The following NCOR2 variants were observed in gnomAD, a reference collection of about 807,000 sequenced individuals.
NCOR2 encodes the protein nuclear receptor corepressor 2.
NCOR2 carries 81 observed loss-of-function variants against 262.9 expected under a neutral mutation model. That is an observed-to-expected ratio of 0.31 (90% confidence interval 0.26 to 0.37). The LOEUF (loss-of-function observed/expected upper bound fraction) is 0.37, where lower values mean the gene tolerates loss of function less well. NCOR2 is among the 10% of genes least tolerant of loss of function. NCOR2 has a pLI of 1.00. For synonymous variants in NCOR2, 1,659 were observed against 1,559.3 expected, an observed-to-expected ratio of 1.06 and a Z score of -1.51; for missense variants, 3,385 against 3,621.4, an observed-to-expected ratio of 0.93 and a Z score of 1.68.
At chr12:124,358,150 T>G (rs1321255197) in intron 22 of NCOR2, among the ~76,000 whole-genome samples, 2 of 143,134 alleles carry the variant, frequency 1.4e-5, no homozygotes, top group African/African-American at 5.8e-5. Flanking sequence ...TGCATGGATG[T>G]GTGTGTGTGC....
chr12:124,324,546 C>A (rs886714381), exon 47 of NCOR2: 9 of 152,286 alleles, frequency 5.9e-5, no homozygotes, highest in Admixed American at 3.9e-4. Flanking sequence ...GAGGACACAG[C>A]GGGGCGTGAG....
At chr12:124,562,627 G>A (rs566139459) in intron 1 of NCOR2, among the ~76,000 whole-genome samples, 8 of 152,268 alleles carry the variant, frequency 5.3e-5, no homozygotes, top group African/African-American at 1.9e-4. Context: ...AACCTCAACC[G>A]TCAAGGGCAG....
At chr12:124,357,515 T>C (rs541494995) in intron 22 of NCOR2, among the ~76,000 whole-genome samples, 78 of 152,324 alleles carry the variant, frequency 5.1e-4, no homozygotes, top group Admixed American at 2.7e-3. Flanking sequence ...CAGGCTGGTC[T>C]TGAACTACTG....
chr12:124,443,170 C>A lies in NCOR2; in HGVS notation c.816-5174G>T, dbSNP rs533035471. 6.6e-6 allele frequency among the ~76,000 whole-genome samples: 1 copy of A among 152,184 alleles called. No individual in the cohort carries two copies. The highest frequency in any genetic ancestry group is 2.1e-4 in the South Asian group (1 of 4,828). On this transcript the variant is annotated intron_variant, in intron 7 of 46. Coordinates refer to ENST00000405201, the Ensembl canonical transcript of NCOR2. The surrounding 1 kb of genome is among the most constrained non-coding windows in gnomAD (Gnocchi z 4.4). ...AGGCAGCGCTGAGAAGCTAGTCCGG[C>A]GTGTGATCTTCCACAAACCGCGGTG...
At chr12:124,456,500 C>CCATCATCGCCATCAT (rs2045865175) in intron 6 of NCOR2, among the ~76,000 whole-genome samples, 2 of 152,220 alleles carry the variant, frequency 1.3e-5, no homozygotes, top group African/African-American at 2.4e-5. Context: ...GCCATCATCG[C>CCATCATCGCCATCAT]CATCATCGCC....
rs1412041847 is a variant in NCOR2 at position 124,482,009 on chromosome 12, T to C, written c.411+1587A>G. Among the ~76,000 whole-genome samples the C allele has an allele frequency of 3.3e-5, 5 of 152,078 alleles. No homozygotes were observed. Among genetic ancestry groups the C allele is most frequent in the Admixed American group, 1.3e-4 (2 of 15,278 alleles). ...GGGCAGAGGTGTCAGGATTTGCTGATGGACTGGAAGTACGCAGGAGAGCAG... is the reference window on the plus strand; with the variant it reads ...GGGCAGAGGTGTCAGGATTTGCTGACGGACTGGAAGTACGCAGGAGAGCAG... On this transcript the variant is annotated intron_variant, in intron 3 of 46. Transcript: ENST00000405201. The surrounding 1 kb of genome is among the most constrained non-coding windows in gnomAD (Gnocchi z 6.3).
At chr12:124,542,053 G>A (rs2051383341) in intron 1 of NCOR2, among the ~76,000 whole-genome samples, 1 of 151,708 alleles carries the variant, frequency 6.6e-6, no homozygotes, top group African/African-American at 2.4e-5. Context: ...ACACCTTTGG[G>A]TCAATCCCTG....
chr12:124,440,473 C>T lies in NCOR2; in HGVS notation c.816-2477G>A, dbSNP rs796619400. Among the ~76,000 whole-genome samples, 3 of 152,342 alleles carry T rather than the reference C, an allele frequency of 2.0e-5. No homozygotes were observed. Among genetic ancestry groups the T allele is most frequent in the African/African-American group, 7.2e-5 (3 of 41,580 alleles). Reference sequence around the variant, plus strand: ...GGGTCCTCAGTCCCACAGGCTAGGACCAGCACCCTTCATCTCATAACAGGG... The same window carrying T: ...GGGTCCTCAGTCCCACAGGCTAGGATCAGCACCCTTCATCTCATAACAGGG... On this transcript the variant is annotated intron_variant, in intron 7 of 46. Transcript: ENST00000405201. This position sits in a 1 kb window ranked among gnomAD's most constrained non-coding sequence, Gnocchi z 5.7.
Position 124,548,648 on chromosome 12 carries a change from T to C in NCOR2, c.-164-13037A>G, listed in dbSNP as rs372562827. On this transcript the variant is annotated intron_variant, in intron 1 of 32. Transcript: ENST00000458234. The surrounding 1 kb of genome is among the most constrained non-coding windows in gnomAD (Gnocchi z 5.1). ...TATTATCTTTACTGTTCCTGTTATTTTTTTCTGTGCTGTTAGGGCGGGGCG... is the reference window on the plus strand; with the variant it reads ...TATTATCTTTACTGTTCCTGTTATTCTTTTCTGTGCTGTTAGGGCGGGGCG... Among the ~76,000 whole-genome samples, 2 of 152,108 alleles carry C rather than the reference T, an allele frequency of 1.3e-5. No individual in the cohort carries two copies. Among genetic ancestry groups the C allele is most frequent in the Middle Eastern group, 3.2e-3 (1 of 316 alleles).
At chr12:124,558,093 A>G (rs1048515021) in intron 1 of NCOR2, among the ~76,000 whole-genome samples, 3 of 152,066 alleles carry the variant, frequency 2.0e-5, no homozygotes, top group African/African-American at 7.2e-5. Flanking sequence ...CACTATAGCC[A>G]CACTGGGGCC....
Position 124,354,471 on chromosome 12 carries a change from C to T in NCOR2, c.3589+7G>A, listed in dbSNP as rs541009298. The T allele has an allele frequency of 6.6e-6, 10 of 1,524,810 alleles. No homozygotes were observed. Among genetic ancestry groups the T allele is most frequent in the East Asian group, 4.6e-5 (2 of 43,276 alleles). The allele number at this position is 1,524,810 out of a possible 1,614,324, so 94.5% of individuals were successfully genotyped here. A position where few individuals can be genotyped will look rare whatever the true frequency, so the allele number is the denominator to read the frequency against. ...ATGCTGGGGGCCCAGGGCAGAAGGG[C>T]CCTCACCTCTCAGCACGGACGCCTC... On this transcript the variant is annotated splice_region_variant and intron_variant, in intron 26 of 46. Coordinates refer to ENST00000405201, the Ensembl canonical transcript of NCOR2.
At chr12:124,441,696 G>A (rs1255709384) in intron 7 of NCOR2, among the ~76,000 whole-genome samples, 2 of 152,342 alleles carry the variant, frequency 1.3e-5, no homozygotes, top group South Asian at 2.1e-4. Context: ...TCCAGGAGGC[G>A]GAGCTTAACT....
exon 33 of NCOR2, chr12:124,343,066 G>A: frequency 6.2e-7 from 1 of 1,612,628 alleles, no homozygotes; most frequent in African/African-American, 1.3e-5. Context: ...GGATGTGGCT[G>A]CGATACAGGT....
chr12:124,544,654 G>T (rs2137236057), intron 1 of NCOR2, among the ~76,000 whole-genome samples: 1 of 152,280 alleles, frequency 6.6e-6, no homozygotes, highest in South Asian at 2.1e-4. Context: ...GCCCAGGGTA[G>T]GTCAGGGATG....
intron 26 of NCOR2, 134 bp downstream of exon 28, chr12:124,354,344 G>T: frequency 8.7e-7 from 1 of 1,147,334 alleles, no homozygotes; most frequent in South Asian, 1.5e-5. Flanking sequence ...TAAATGGTGA[G>T]GGAGACAGCT....
At chr12:124,342,347 A>G (rs1213899491) in intron 33 of NCOR2, among the ~76,000 whole-genome samples, 1 of 152,148 alleles carries the variant, frequency 6.6e-6, no homozygotes, top group Non-Finnish European at 1.5e-5. Flanking sequence ...AAAGGGATGC[A>G]ACTTTTTTTA....
intron 16 of NCOR2, among the ~76,000 whole-genome samples, chr12:124,387,644 C>T (rs2136124358): frequency 6.6e-6 from 1 of 152,344 alleles, no homozygotes; most frequent in African/African-American, 2.4e-5. Context: ...CTCAGGGTTC[C>T]TCAAGGACAG....
In NCOR2 at chr12:124,504,993, A is replaced by T. The variant is rs572215107; in HGVS notation, c.-117-9625T>A. 4.3e-4 allele frequency among the ~76,000 whole-genome samples: 65 copies of T among 152,328 alleles called. No homozygotes were observed. The Middle Eastern group carries it at 0.01, about 24-fold the overall frequency. ...CCCGTGAATGTCCTAAATGCAAACT[A>T]ATTGTTCACTTTAGTATAGCCAAAA... On this transcript the variant is annotated intron_variant, in intron 1 of 46. Transcript: ENST00000404621. This position sits in a 1 kb window ranked among gnomAD's most constrained non-coding sequence, Gnocchi z 4.5.
chr12:124,437,312 C>T (rs565726545), intron 8 of NCOR2, among the ~76,000 whole-genome samples: 44 of 152,298 alleles, frequency 2.9e-4, no homozygotes, highest in African/African-American at 1.0e-3. Context: ...GTGATGGCCA[C>T]GGCCGCCTGA....
Sources: gnomAD v4.1 joint callset for allele counts (sites outside exome capture counted in the v4.1 genomes callset) on GRCh38, gnomAD v4.1.1 for gene constraint, Gnocchi (gnomAD v3.1) non-coding constraint, MANE v1.5 for transcripts, NCBI Gene and HGNC (gene_info 2026-07-23, HGNC 2026-07-21) for gene names.